KCNT2: variants seen among roughly 807,000 people sequenced by gnomAD.
KCNT2 encodes the protein potassium channel subfamily T member 2.
A neutral mutation model predicts 153.8 loss-of-function variants in KCNT2; 67 were observed. The ratio of observed to expected loss-of-function variants is 0.44; its 90% confidence interval spans 0.36 to 0.53. KCNT2 has a LOEUF of 0.53. KCNT2 is among the 20% of genes least tolerant of loss of function. The probability of loss-of-function intolerance (pLI) is 0.00; values close to 1 mark genes in which losing one functional copy is unlikely to be tolerated. For missense variants in KCNT2, 975 were observed against 1,354.8 expected, an observed-to-expected ratio of 0.72 and a Z score of 4.40; for synonymous variants, 500 against 458.8, an observed-to-expected ratio of 1.09 and a Z score of -1.15.
intron 26 of KCNT2, among the ~76,000 whole-genome samples, chr1:196,240,704 T>C (rs1654873946): frequency 6.6e-6 from 1 of 151,904 alleles, no homozygotes; most frequent in Non-Finnish European, 1.5e-5. Context: ...TAATTTGAGA[T>C]GATGTTGAAC....
At chr1:196,321,789 AG>A (rs1176172195) in intron 19 of KCNT2, among the ~76,000 whole-genome samples, 1 of 151,968 alleles carries the variant, frequency 6.6e-6, no homozygotes, top group Non-Finnish European at 1.5e-5. Context: ...TATTGAAAAA[AG>A]GTGGCTTAAA....
intron 21 of KCNT2, 35 bp from the exon 22 acceptor site, chr1:196,305,380 A>G (rs1313776699): frequency 3.7e-6 from 4 of 1,077,626 alleles, no homozygotes; most frequent in Non-Finnish European, 5.8e-6. Context: ...TTACACTAAC[A>G]ATCCAATATG....
chr1:196,331,419 CTG>C (rs1189810381), intron 17 of KCNT2, among the ~76,000 whole-genome samples, 158 bp from the exon 18 acceptor site: 1 of 152,044 alleles, frequency 6.6e-6, no homozygotes, highest in African/African-American at 2.4e-5. Context: ...GGTAGGCAAA[CTG>C]TGGCCCCAGG....
intron 19 of KCNT2, among the ~76,000 whole-genome samples, chr1:196,323,007 A>G (rs1031773556): frequency 6.6e-6 from 1 of 151,884 alleles, no homozygotes. Context: ...CTAGGATTTT[A>G]TATACATTAT....
At position 196,319,561 on chromosome 1, in the gene KCNT2, TAG is replaced by T. The variant is rs1347887768; in HGVS notation, c.2277-8_2277-7del. ...CCAGAAAATGCATATCTGGCCTAAG[TAG>T]TAGATGGGTTACAAAATGAAACACA... On this transcript the variant is annotated splice_region_variant and splice_polypyrimidine_tract_variant and intron_variant, in intron 19 of 27. Transcript: ENST00000294725. 4.4e-6 allele frequency: 7 copies of T among 1,594,396 alleles called. No individual in the cohort carries two copies. Among genetic ancestry groups the T allele is most frequent in the Non-Finnish European group, 6.0e-6 (7 of 1,163,966 alleles).
At chr1:196,393,750 A>G (rs1292453965) in intron 13 of KCNT2, among the ~76,000 whole-genome samples, 2 of 151,510 alleles carry the variant, frequency 1.3e-5, no homozygotes, top group Non-Finnish European at 3.0e-5. Context: ...GTGGTTTGCA[A>G]CTGAGGAGGG....
chr1:196,581,993 T>G (rs537942729), intron 1 of KCNT2, among the ~76,000 whole-genome samples: 16 of 152,214 alleles, frequency 1.1e-4, no homozygotes, highest in Middle Eastern at 6.8e-3. Context: ...TGCCAGTTCT[T>G]CAGGTAGACT....
intron 8 of KCNT2, among the ~76,000 whole-genome samples, chr1:196,443,036 G>C (rs1344679489): frequency 6.6e-6 from 1 of 151,594 alleles, no homozygotes; most frequent in Non-Finnish European, 1.5e-5. Flanking sequence ...GAAGTGGATA[G>C]ATTTGCAGGG....
At chr1:196,415,832 T>C (rs991641406) in intron 12 of KCNT2, among the ~76,000 whole-genome samples, 1 of 151,904 alleles carries the variant, frequency 6.6e-6, no homozygotes, top group Non-Finnish European at 1.5e-5. Flanking sequence ...ACTCTTGTTG[T>C]CCCTTTCTTC....
At chr1:196,417,089 A>T (rs1341539037) in intron 12 of KCNT2, among the ~76,000 whole-genome samples, 1 of 152,094 alleles carries the variant, frequency 6.6e-6, no homozygotes, top group African/African-American at 2.4e-5. Flanking sequence ...ATTTTTTTTA[A>T]AACAATATGA....
intron 25 of KCNT2, among the ~76,000 whole-genome samples, chr1:196,267,123 C>G (rs1363509942): frequency 6.6e-6 from 1 of 152,208 alleles, no homozygotes. Flanking sequence ...AACAATCCCT[C>G]TGCAGGCAGA....
chr1:196,564,432 T>C (rs1390121470), intron 1 of KCNT2, among the ~76,000 whole-genome samples: 1 of 151,886 alleles, frequency 6.6e-6, no homozygotes, highest in Non-Finnish European at 1.5e-5. Flanking sequence ...TACCCAGTGA[T>C]CTACAGATTC....
chr1:196,358,663 T>C (rs1667373010), intron 14 of KCNT2, among the ~76,000 whole-genome samples: 1 of 152,012 alleles, frequency 6.6e-6, no homozygotes, highest in South Asian at 2.1e-4. Flanking sequence ...TTGACTCTCT[T>C]TTTAAATATT....
At chr1:196,335,797 T>G (rs746814926) in intron 16 of KCNT2, among the ~76,000 whole-genome samples, 3 of 152,116 alleles carry the variant, frequency 2.0e-5, no homozygotes, top group Non-Finnish European at 4.4e-5. Context: ...CACCACTATT[T>G]CTTGTTTGTT....
At chr1:196,497,709 A>G (rs1430921636) in intron 1 of KCNT2, among the ~76,000 whole-genome samples, 2 of 152,140 alleles carry the variant, frequency 1.3e-5, no homozygotes, top group Non-Finnish European at 2.9e-5. Flanking sequence ...AAAAACCTAT[A>G]TCGAACCTAT....
intron 22 of KCNT2, among the ~76,000 whole-genome samples, chr1:196,292,420 C>A (rs545368340): frequency 1.3e-5 from 2 of 152,276 alleles, no homozygotes; most frequent in East Asian, 3.9e-4. Flanking sequence ...GCAAAGTCAA[C>A]GTTGCCCATT....
chr1:196,401,973 C>T (rs920497356), intron 12 of KCNT2, among the ~76,000 whole-genome samples: 4 of 151,304 alleles, frequency 2.6e-5, no homozygotes, highest in African/African-American at 9.7e-5. Flanking sequence ...GGACTCTCAT[C>T]AAAAATCCTG....
At chr1:196,367,162 TATA>T (rs1459831420) in intron 14 of KCNT2, among the ~76,000 whole-genome samples, 24 of 152,160 alleles carry the variant, frequency 1.6e-4, no homozygotes, top group Non-Finnish European at 2.1e-4. Context: ...TCATACATTT[TATA>T]ATAATAATCA....
chr1:196,408,990 A>G (rs1171924355), intron 12 of KCNT2, among the ~76,000 whole-genome samples: 3 of 149,110 alleles, frequency 2.0e-5, no homozygotes, highest in Non-Finnish European at 4.5e-5. Flanking sequence ...GTAGCTTTTT[A>G]CTCCTCCTTT....
Sources: gnomAD v4.1 joint callset for allele counts (sites outside exome capture counted in the v4.1 genomes callset) on GRCh38, gnomAD v4.1.1 for gene constraint, MANE v1.5 for transcripts, NCBI Gene and HGNC (gene_info 2026-07-23, HGNC 2026-07-21) for gene names.